Variants in NLGN1 observed in about 807,000 individuals in gnomAD.
NLGN1 encodes the protein neuroligin 1, also known as neuroligin-1.
In NLGN1, 12 loss-of-function variants were observed where a neutral mutation model predicts 65.5. The ratio of observed to expected loss-of-function variants is 0.18; its 90% confidence interval spans 0.12 to 0.30. NLGN1 has a LOEUF of 0.30. NLGN1 is among the 10% of genes least tolerant of loss of function. NLGN1 has a pLI of 1.00. For synonymous variants in NLGN1, 350 were observed against 359.5 expected (o/e 0.97, Z 0.30); for missense variants, 750 against 1,007.1 (o/e 0.74, Z 3.46).
intron 4 of NLGN1, among the ~76,000 whole-genome samples, chr3:174,112,838 A>G (rs1384012861): frequency 6.6e-6 from 1 of 151,964 alleles, no homozygotes; most frequent in Non-Finnish European, 1.5e-5. Context: ...TGATTAGTAT[A>G]TAGTAAGTAC....
At chr3:174,167,343 G>A (rs940876587) in intron 4 of NLGN1, among the ~76,000 whole-genome samples, 1 of 151,926 alleles carries the variant, frequency 6.6e-6, no homozygotes, top group African/African-American at 2.4e-5. Context: ...TTATTTGTTT[G>A]TATGTTTAGA....
intron 4 of NLGN1, among the ~76,000 whole-genome samples, chr3:173,993,132 G>A (rs1011753881): frequency 3.3e-5 from 5 of 152,056 alleles, no homozygotes; most frequent in South Asian, 4.1e-4. Flanking sequence ...TTATGTCACC[G>A]GGACACAGTT....
chr3:173,520,922 C>G (rs1186282893), intron 2 of NLGN1, among the ~76,000 whole-genome samples: 1 of 152,136 alleles, frequency 6.6e-6, no homozygotes, highest in Non-Finnish European at 1.5e-5. Context: ...CAGCATCCTT[C>G]TTTAGCATGA....
intron 4 of NLGN1, among the ~76,000 whole-genome samples, chr3:173,980,994 A>G (rs1718652218): frequency 1.3e-5 from 2 of 152,162 alleles, no homozygotes; most frequent in Admixed American, 1.3e-4. Context: ...ACAATTCTAC[A>G]TAAAATATTT....
intron 2 of NLGN1, among the ~76,000 whole-genome samples, chr3:173,590,902 A>G (rs1748367658): frequency 6.6e-6 from 1 of 152,154 alleles, no homozygotes; most frequent in South Asian, 2.1e-4. Flanking sequence ...CAAGTGTAGT[A>G]GGATTATTTA....
chr3:173,650,786 T>A (rs908231862), intron 3 of NLGN1, among the ~76,000 whole-genome samples: 3 of 152,178 alleles, frequency 2.0e-5, no homozygotes, highest in Non-Finnish European at 4.4e-5. Flanking sequence ...TAAGTAGATT[T>A]CTGGTAATCT....
chr3:174,165,919 C>T (rs1011076013), intron 4 of NLGN1, among the ~76,000 whole-genome samples: 3 of 151,898 alleles, frequency 2.0e-5, no homozygotes, highest in African/African-American at 2.4e-5. Flanking sequence ...CTGATTCAAT[C>T]GTGGGAGATG....
chr3:174,198,894 G>A (rs926748020), intron 4 of NLGN1, among the ~76,000 whole-genome samples: 5 of 128,680 alleles, frequency 3.9e-5, no homozygotes, highest in Non-Finnish European at 6.3e-5. Flanking sequence ...TGTTTCCCAG[G>A]CTGGAGTGCA....
At chr3:173,858,002 G>C (rs372081382) in intron 4 of NLGN1, among the ~76,000 whole-genome samples, 61 of 136,846 alleles carry the variant, frequency 4.5e-4, no homozygotes, top group African/African-American at 1.6e-3. Context: ...ATTACTAAGT[G>C]AACAATTACT....
intron 3 of NLGN1, among the ~76,000 whole-genome samples, chr3:173,642,722 G>A (rs1413950843): frequency 6.6e-6 from 1 of 152,138 alleles, no homozygotes; most frequent in Non-Finnish European, 1.5e-5. Context: ...CCTTAACAGA[G>A]GCTCAGCTCA....
At chr3:173,455,593 T>G (rs186496289) in intron 2 of NLGN1, among the ~76,000 whole-genome samples, 24 of 152,224 alleles carry the variant, frequency 1.6e-4, no homozygotes, top group African/African-American at 5.5e-4. Context: ...GGAAAAATGG[T>G]GCTGATAGAC....
intron 4 of NLGN1, among the ~76,000 whole-genome samples, chr3:173,968,685 A>ATT (rs1560744579): frequency 1.5e-5 from 2 of 136,008 alleles, no homozygotes; most frequent in African/African-American, 5.9e-5. Context: ...ACTGAAAATA[A>ATT]TCTTTTTTTT....
At chr3:173,552,259 C>T (rs934706220) in intron 2 of NLGN1, among the ~76,000 whole-genome samples, 14 of 152,166 alleles carry the variant, frequency 9.2e-5, no homozygotes, top group Non-Finnish European at 1.8e-4. Flanking sequence ...ATGGAAATCA[C>T]TCTCAACAGG....
intron 3 of NLGN1, among the ~76,000 whole-genome samples, chr3:173,630,644 A>C (rs1203912543): frequency 6.6e-6 from 1 of 152,016 alleles, no homozygotes; most frequent in Non-Finnish European, 1.5e-5. Context: ...CTTCTCTTCC[A>C]CAGAGAGAAA....
At chr3:173,509,784 C>G (rs1577036460) in intron 2 of NLGN1, among the ~76,000 whole-genome samples, 1 of 152,034 alleles carries the variant, frequency 6.6e-6, no homozygotes. Context: ...AAATTATACC[C>G]CATGTGAAAT....
intron 4 of NLGN1, among the ~76,000 whole-genome samples, chr3:174,119,409 GTATCTCATAGCTTGGATTTTTT>G (rs145717677): frequency 0.055 from 8,369 of 152,140 alleles, 293 homozygotes; most frequent in African/African-American, 0.086. Context: ...CCACTTCAAA[GTATCTCATAGCTTGGATTTTTT>G]AGAATTTATT....
At chr3:174,092,103 G>T (rs1744630473) in intron 4 of NLGN1, among the ~76,000 whole-genome samples, 2 of 152,196 alleles carry the variant, frequency 1.3e-5, no homozygotes, top group African/African-American at 4.8e-5. Context: ...GAATATGTTT[G>T]TGCAAAGCAT....
chr3:173,630,406 A>G (rs1008558456), intron 3 of NLGN1, among the ~76,000 whole-genome samples: 3 of 152,158 alleles, frequency 2.0e-5, no homozygotes, highest in African/African-American at 7.2e-5. Flanking sequence ...ACCAAAGGAC[A>G]TTTCAACATA....
intron 3 of NLGN1, among the ~76,000 whole-genome samples, chr3:173,621,286 G>A (rs1753944909): frequency 6.6e-6 from 1 of 152,116 alleles, no homozygotes; most frequent in Non-Finnish European, 1.5e-5. Flanking sequence ...AATAATATTT[G>A]GAATTAACCT....
Sources: allele counts gnomAD v4.1 joint callset (sites outside exome capture counted in the v4.1 genomes callset), GRCh38; gene constraint gnomAD v4.1.1; transcripts MANE v1.5; gene names NCBI Gene and HGNC (gene_info 2026-07-23, HGNC 2026-07-21).